Variants in FBXL17 observed in about 807,000 individuals in gnomAD.
FBXL17 encodes F-box/LRR-repeat protein 17.
Under a neutral mutation model 66.2 loss-of-function variants are expected in FBXL17, and 22 were observed. The observed-to-expected ratio is 0.33, with a 90% CI of 0.24 to 0.47. The LOEUF (loss-of-function observed/expected upper bound fraction) is 0.47. FBXL17 is among the 20% of genes least tolerant of loss of function. The pLI is 1.00. For synonymous variants in FBXL17, 474 were observed against 400.5 expected (o/e 1.18, Z -2.19); for missense variants, 878 against 948.2 (o/e 0.93, Z 0.97).
chr5:108,014,904 G>T (rs1754321902), intron 7 of FBXL17, among the ~76,000 whole-genome samples: 3 of 152,230 alleles, frequency 2.0e-5, no homozygotes, highest in African/African-American at 4.8e-5. Context: ...AGAGCCAAAT[G>T]AACAGGGGAA....
At chr5:107,972,170 A>T (rs1752397766) in intron 7 of FBXL17, among the ~76,000 whole-genome samples, 2 of 152,258 alleles carry the variant, frequency 1.3e-5, no homozygotes. Flanking sequence ...CACTCAAAAG[A>T]TACTTGCTGA....
At chr5:108,306,323 T>C (rs1561519267) in intron 4 of FBXL17, among the ~76,000 whole-genome samples, 1 of 152,044 alleles carries the variant, frequency 6.6e-6, no homozygotes, top group Non-Finnish European at 1.5e-5. Flanking sequence ...CTAAAGGATA[T>C]AGGTCTCCAA....
chr5:107,884,152 G>A (rs139568348), intron 7 of FBXL17, among the ~76,000 whole-genome samples: 51 of 152,300 alleles, frequency 3.3e-4, no homozygotes, highest in Middle Eastern at 3.4e-3. Flanking sequence ...AGAAGAGACA[G>A]ATGTGAAACA....
chr5:108,300,226 T>C (rs1758525635), intron 4 of FBXL17, among the ~76,000 whole-genome samples: 2 of 151,944 alleles, frequency 1.3e-5, no homozygotes, highest in African/African-American at 2.4e-5. Flanking sequence ...ATTTACTTGA[T>C]TAAAAAATAT....
chr5:108,092,551 A>T (rs922197846), intron 6 of FBXL17, among the ~76,000 whole-genome samples: 3 of 152,162 alleles, frequency 2.0e-5, no homozygotes, highest in Admixed American at 6.5e-5. Flanking sequence ...CCTGGGCTCA[A>T]GCAATCTGCC....
chr5:108,342,800 T>A (rs1345396441), intron 4 of FBXL17, among the ~76,000 whole-genome samples: 7 of 152,170 alleles, frequency 4.6e-5, no homozygotes, highest in African/African-American at 1.7e-4. Context: ...ATATTAAAAA[T>A]ACTCAATAAA....
At chr5:108,137,003 T>A (rs1019464) in intron 6 of FBXL17, among the ~76,000 whole-genome samples, 1 of 151,996 alleles carries the variant, frequency 6.6e-6, no homozygotes, top group African/African-American at 2.4e-5. Context: ...GATGATTAGA[T>A]AACATCATCC....
intron 3 of FBXL17, among the ~76,000 whole-genome samples, chr5:108,354,307 T>C (rs368431671): frequency 3.3e-5 from 5 of 152,216 alleles, no homozygotes; most frequent in African/African-American, 1.2e-4. Flanking sequence ...ATTAATATGT[T>C]AAGAGCTTTA....
chr5:107,900,355 T>A lies in FBXL17; in HGVS notation c.1823-19176A>T, dbSNP rs186456304. 2.0e-3 allele frequency among the ~76,000 whole-genome samples: 312 copies of A among 152,286 alleles called. 1 individual carries two copies. Among genetic ancestry groups the A allele is most frequent in the African/African-American group, 7.2e-3 (301 of 41,576 alleles). On this transcript the variant is annotated intron_variant, in intron 7 of 8. Coordinates refer to ENST00000542267, the MANE Select transcript of FBXL17 (RefSeq NM_001163315.3). ...ACTATTTTTCAGGTCAAGAGAGATG[T>A]CTTCAAGAAAACAGACTATGATTGA...
intron 7 of FBXL17, among the ~76,000 whole-genome samples, chr5:107,980,664 A>ATATATATATATATATTTTTTTTTTT: frequency 9.7e-5 from 6 of 62,100 alleles, no homozygotes; most frequent in African/African-American, 6.2e-4. Flanking sequence ...ATATATATAT[A>ATATATATATATATATTTTTTTTTTT]TTTTTTTTTT....
At chr5:108,156,383 T>C (rs1232581761) in intron 6 of FBXL17, among the ~76,000 whole-genome samples, 1 of 151,950 alleles carries the variant, frequency 6.6e-6, no homozygotes, top group East Asian at 1.9e-4. Context: ...AGGAAAAAAA[T>C]CAATATATTT....
intron 4 of FBXL17, among the ~76,000 whole-genome samples, chr5:108,229,818 T>A (rs963637241): frequency 2.6e-5 from 4 of 152,244 alleles, no homozygotes; most frequent in Middle Eastern, 3.4e-3. Context: ...AATCTATGCA[T>A]CTGACAAAGG....
At chr5:108,354,565 A>G (rs957881387) in intron 3 of FBXL17, among the ~76,000 whole-genome samples, 1 of 152,114 alleles carries the variant, frequency 6.6e-6, no homozygotes, top group African/African-American at 2.4e-5. Context: ...ACAGAGAAAC[A>G]TTTGAAGCAC....
At chr5:108,098,677 G>A (rs534313871) in intron 6 of FBXL17, among the ~76,000 whole-genome samples, 2 of 150,822 alleles carry the variant, frequency 1.3e-5, no homozygotes, top group African/African-American at 2.4e-5. Context: ...CCCGGGAGGC[G>A]GCGCTTGCAA....
chr5:108,294,863 AGTT>A (rs1402355594), intron 4 of FBXL17, among the ~76,000 whole-genome samples: 1 of 152,108 alleles, frequency 6.6e-6, no homozygotes, highest in Admixed American at 6.6e-5. Flanking sequence ...TCATATCCAC[AGTT>A]GTTCTTTAAA....
chr5:108,249,477 AATC>A (rs376244196), intron 4 of FBXL17, among the ~76,000 whole-genome samples: 11 of 152,322 alleles, frequency 7.2e-5, no homozygotes, highest in South Asian at 4.1e-4. Flanking sequence ...AAACATATCT[AATC>A]AGTATTACAA....
chr5:108,219,928 CTTTTTTTTTTT>C, intron 5 of FBXL17, among the ~76,000 whole-genome samples: 2 of 37,432 alleles, frequency 5.3e-5, no homozygotes, highest in Non-Finnish European at 9.1e-5. Context: ...TTACTATTTC[CTTTTTTTTTTT>C]TTTTTTTTTT....
chr5:107,989,409 T>G (rs577592821), intron 7 of FBXL17, among the ~76,000 whole-genome samples: 1 of 152,132 alleles, frequency 6.6e-6, no homozygotes, highest in African/African-American at 2.4e-5. Context: ...GCCTGGTTTA[T>G]TTCACTTAAC....
intron 6 of FBXL17, among the ~76,000 whole-genome samples, chr5:108,161,946 G>C (rs1244767601): frequency 6.6e-6 from 1 of 152,182 alleles, no homozygotes; most frequent in Non-Finnish European, 1.5e-5. Context: ...GCAAATTGGA[G>C]ACCATTAATT....
Sources: allele counts gnomAD v4.1 joint callset (sites outside exome capture counted in the v4.1 genomes callset), GRCh38; gene constraint gnomAD v4.1.1; transcripts MANE v1.5; gene names NCBI Gene and HGNC (gene_info 2026-07-23, HGNC 2026-07-21).